Variants in RABGAP1L observed in about 807,000 individuals in gnomAD.
RABGAP1L encodes the protein rab GTPase-activating protein 1-like.
In RABGAP1L, 63 loss-of-function variants were observed where a neutral mutation model predicts 137.7. The ratio of observed to expected loss-of-function variants is 0.46; its 90% CI spans 0.37 to 0.56. The LOEUF (loss-of-function observed/expected upper bound fraction) is 0.56. RABGAP1L is among the 20% of genes least tolerant of loss of function. The pLI, the probability that RABGAP1L is intolerant of heterozygous loss-of-function variation, is 0.00. For synonymous variants in RABGAP1L, 431 were observed against 433.7 expected (o/e 0.99, Z 0.08); for missense variants, 1,095 against 1,244.0 (o/e 0.88, Z 1.80).
intron 19 of RABGAP1L, among the ~76,000 whole-genome samples, chr1:174,856,692 T>A (rs576218149): frequency 6.6e-6 from 1 of 152,156 alleles, no homozygotes; most frequent in Admixed American, 6.5e-5. Context: ...TTTGGGAGGC[T>A]GAGGTGGGCA....
At chr1:174,808,723 G>T (rs1025448664) in intron 18 of RABGAP1L, among the ~76,000 whole-genome samples, 3 of 150,820 alleles carry the variant, frequency 2.0e-5, no homozygotes, top group Non-Finnish European at 1.5e-5. Context: ...GTGCAGTCTC[G>T]GCTCTCTGCA....
At chr1:174,846,372 A>C (rs1436412468) in intron 19 of RABGAP1L, among the ~76,000 whole-genome samples, 3 of 151,346 alleles carry the variant, frequency 2.0e-5, no homozygotes, top group African/African-American at 7.3e-5. Context: ...TTAGTGCTAT[A>C]AATTTCCCTC....
intron 13 of RABGAP1L, among the ~76,000 whole-genome samples, chr1:174,517,696 A>C (rs1427963466): frequency 6.6e-6 from 1 of 152,162 alleles, no homozygotes; most frequent in Non-Finnish European, 1.5e-5. Context: ...TACTCAGTAC[A>C]TCTGTTTCTT....
chr1:174,799,758 GGCAGCA>G, intron 18 of RABGAP1L: 1 of 783,278 alleles, frequency 1.3e-6, no homozygotes, highest in Non-Finnish European at 1.5e-6. Flanking sequence ...CACAGCGAGA[GGCAGCA>G]GCAGCAGCAG....
intron 13 of RABGAP1L, among the ~76,000 whole-genome samples, chr1:174,600,501 C>G (rs1419743488): frequency 6.6e-6 from 1 of 152,132 alleles, no homozygotes; most frequent in Non-Finnish European, 1.5e-5. Context: ...TAGTTACTTC[C>G]TAGATACAAT....
At chr1:174,741,150 G>A (rs1391810072) in intron 17 of RABGAP1L, among the ~76,000 whole-genome samples, 2 of 146,342 alleles carry the variant, frequency 1.4e-5, no homozygotes, top group Admixed American at 7.0e-5. Context: ...CAAATTCTTT[G>A]CCTAAACCAA....
At chr1:174,613,032 A>C (rs1417821207) in intron 13 of RABGAP1L, among the ~76,000 whole-genome samples, 1 of 151,388 alleles carries the variant, frequency 6.6e-6, no homozygotes, top group Non-Finnish European at 1.5e-5. Context: ...AATTTTTTGA[A>C]GGGTTTTTTG....
intron 18 of RABGAP1L, among the ~76,000 whole-genome samples, chr1:174,804,539 C>G (rs758008015): frequency 6.6e-6 from 1 of 152,212 alleles, no homozygotes; most frequent in Non-Finnish European, 1.5e-5. Context: ...TCTAAAACTC[C>G]TGAGCTCAAG....
At chr1:174,601,608 C>T (rs1212622951) in intron 13 of RABGAP1L, among the ~76,000 whole-genome samples, 3 of 152,060 alleles carry the variant, frequency 2.0e-5, no homozygotes, top group Non-Finnish European at 4.4e-5. Flanking sequence ...AACAAACCTG[C>T]ACATTGTGCG....
chr1:174,799,851 A>G, intron 18 of RABGAP1L: 1 of 988,384 alleles, frequency 1.0e-6, no homozygotes, highest in Non-Finnish European at 1.2e-6. Context: ...TTCTCCTTGC[A>G]GCTTCACAAC....
chr1:174,806,082 C>T (rs1341614700), intron 18 of RABGAP1L, among the ~76,000 whole-genome samples: 1 of 152,164 alleles, frequency 6.6e-6, no homozygotes, highest in African/African-American at 2.4e-5. Context: ...GTTCAGTGAG[C>T]ACAGATGTAT....
chr1:174,752,834 C>T (rs1048916701), intron 18 of RABGAP1L, among the ~76,000 whole-genome samples: 2 of 152,110 alleles, frequency 1.3e-5, no homozygotes, highest in Non-Finnish European at 2.9e-5. Flanking sequence ...TTATAAAACA[C>T]TTTAGAATTC....
intron 18 of RABGAP1L, among the ~76,000 whole-genome samples, chr1:174,785,247 A>G (rs1687367076): frequency 2.6e-5 from 4 of 152,078 alleles, no homozygotes; most frequent in Admixed American, 2.6e-4. Flanking sequence ...TATTTTTAGT[A>G]GAGACAGGGT....
At chr1:174,253,235 C>G (rs1672859954) in intron 7 of RABGAP1L, among the ~76,000 whole-genome samples, 1 of 151,982 alleles carries the variant, frequency 6.6e-6, no homozygotes, top group Admixed American at 6.6e-5. Context: ...GTAAAGAGGT[C>G]CTGATTCACA....
intron 19 of RABGAP1L, among the ~76,000 whole-genome samples, chr1:174,927,595 C>T (rs1044135496): frequency 6.6e-6 from 1 of 152,126 alleles, no homozygotes; most frequent in Non-Finnish European, 1.5e-5. Context: ...GACTGGAGTG[C>T]AATGGCTAGT....
At chr1:174,456,306 T>C (rs927439515) in intron 13 of RABGAP1L, among the ~76,000 whole-genome samples, 2 of 152,122 alleles carry the variant, frequency 1.3e-5, no homozygotes, top group Non-Finnish European at 1.5e-5. Context: ...TTGAGATATG[T>C]AGAATAAATT....
chr1:174,595,732 G>C (rs1404652810), intron 13 of RABGAP1L, among the ~76,000 whole-genome samples: 1 of 104,186 alleles, frequency 9.6e-6, no homozygotes, highest in African/African-American at 4.5e-5. Flanking sequence ...CCAGCTGCGT[G>C]CTGGGAGAAC....
chr1:174,323,617 A>G (rs1384823947), intron 11 of RABGAP1L, among the ~76,000 whole-genome samples: 1 of 152,134 alleles, frequency 6.6e-6, no homozygotes, highest in Non-Finnish European at 1.5e-5. Flanking sequence ...GGGAGCTTTC[A>G]TCATATTTGG....
chr1:174,549,762 C>T (rs1050289107), intron 13 of RABGAP1L, among the ~76,000 whole-genome samples: 5 of 152,172 alleles, frequency 3.3e-5, no homozygotes, highest in African/African-American at 1.2e-4. Context: ...GAGCACTATA[C>T]CAGTCTGAAA....
Sources: allele counts gnomAD v4.1 joint callset (sites outside exome capture counted in the v4.1 genomes callset), GRCh38; gene constraint gnomAD v4.1.1; transcripts MANE v1.5; gene names NCBI Gene and HGNC (gene_info 2026-07-23, HGNC 2026-07-21).